The following RAP1GAP2 variants were observed in gnomAD, a reference collection of about 807,000 sequenced individuals.
RAP1GAP2 encodes rap1 GTPase-activating protein 2.
A neutral mutation model predicts 95.0 loss-of-function variants in RAP1GAP2; 27 were observed. The ratio of observed to expected loss-of-function variants is 0.28; its 90% CI spans 0.21 to 0.39. The LOEUF is 0.39. Ranked by LOEUF, RAP1GAP2 falls within the 10% of genes least tolerant of loss-of-function variation. The pLI is 1.00. For synonymous variants in RAP1GAP2, 373 were observed against 380.9 expected (o/e 0.98, Z 0.24); for missense variants, 771 against 970.0 (o/e 0.79, Z 2.72).
At chr17:2,845,827 C>A (rs2071562467) in intron 2 of RAP1GAP2, among the ~76,000 whole-genome samples, 1 of 151,268 alleles carries the variant, frequency 6.6e-6, no homozygotes, top group African/African-American at 2.4e-5. Context: ...CACCACTACA[C>A]TCTAACCTGG....
Position 3,027,026 on chromosome 17 carries a change from T to A in RAP1GAP2, c.2063T>A (p.Leu688Gln). 6.4e-7 allele frequency: 1 copy of A among 1,573,414 alleles called. No individual in the cohort carries two copies. The highest frequency in any genetic ancestry group is 8.6e-7 in the Non-Finnish European group (1 of 1,159,790). Residue 688 changes from leucine (L) to glutamine (Q), a missense_variant, in exon 22 of 25, where the codon CTG becomes CAG. Transcript: ENST00000254695. The surrounding 1 kb of genome is among the most constrained non-coding windows in gnomAD (Gnocchi z 5.2). ...TCCCCGAGCAGCGAGAGCCCCAGCC[T>A]GGGGGCAGCTGCCACCCCGATCATC... ...SPSPSSESPSLGAAATPIIMS... is the reference protein window; with the variant it reads ...SPSPSSESPSQGAAATPIIMS...
At chr17:2,780,863 C>T (rs2068629419) in intron 1 of RAP1GAP2, among the ~76,000 whole-genome samples, 1 of 152,284 alleles carries the variant, frequency 6.6e-6, no homozygotes, top group African/African-American at 2.4e-5. Context: ...GTCCACACCT[C>T]TCTCAGTGCT....
chr17:2,953,575 G>A (rs2043992950), intron 3 of RAP1GAP2, among the ~76,000 whole-genome samples: 1 of 152,248 alleles, frequency 6.6e-6, no homozygotes, highest in Non-Finnish European at 1.5e-5. Flanking sequence ...GGCCGGGTAC[G>A]ATGGCTCACG....
intron 3 of RAP1GAP2, among the ~76,000 whole-genome samples, chr17:2,921,909 GTC>G (rs977044904): frequency 2.0e-5 from 3 of 152,168 alleles, no homozygotes; most frequent in Admixed American, 1.3e-4. Context: ...CTCCCTGGGG[GTC>G]TCTCCTCTGT....
At chr17:3,011,716 C>T (rs1362206312) in intron 17 of RAP1GAP2, among the ~76,000 whole-genome samples, 2 of 147,220 alleles carry the variant, frequency 1.4e-5, no homozygotes, top group East Asian at 4.2e-4. Context: ...GCCTCCCGGG[C>T]TCAAGCGATT....
chr17:2,994,509 G>A (rs2045887691), intron 12 of RAP1GAP2, among the ~76,000 whole-genome samples: 1 of 152,282 alleles, frequency 6.6e-6, no homozygotes, highest in Middle Eastern at 3.4e-3. Flanking sequence ...TGCAGTGGTT[G>A]GGCCTGTATC....
rs1412849494 is a variant in RAP1GAP2, at chr17:2,857,715, A to G, written c.81-47569A>G. ...CTTTGATTTTCAGAGCCTGCTTCTTATGGATGTGGGTAGTGGGGAGCTTGG... is the reference window on the plus strand; with the variant it reads ...CTTTGATTTTCAGAGCCTGCTTCTTGTGGATGTGGGTAGTGGGGAGCTTGG... On this transcript the variant is annotated intron_variant, in intron 2 of 24. Transcript: ENST00000254695. This position sits in a 1 kb window ranked among gnomAD's most constrained non-coding sequence, Gnocchi z 4.0. 6.6e-6 allele frequency among the ~76,000 whole-genome samples: 1 copy of G among 152,166 alleles called. No individual in the cohort carries two copies. Among genetic ancestry groups the G allele is most frequent in the Middle Eastern group, 3.2e-3 (1 of 316 alleles).
intron 17 of RAP1GAP2, among the ~76,000 whole-genome samples, chr17:3,012,057 C>T (rs1248586406): frequency 6.6e-6 from 1 of 152,176 alleles, no homozygotes; most frequent in Non-Finnish European, 1.5e-5. Flanking sequence ...GATCTTTCTC[C>T]TGAGCAGCAG....
At position 2,871,657 on chromosome 17, in the gene RAP1GAP2, G is replaced by C. The variant is rs1244853642; in HGVS notation, c.81-33627G>C. 2.0e-5 allele frequency among the ~76,000 whole-genome samples: 3 copies of C among 152,188 alleles called. No homozygotes were observed. The highest frequency in any genetic ancestry group is 7.2e-5 in the African/African-American group (3 of 41,448). On this transcript the variant is annotated intron_variant, in intron 2 of 24. Coordinates refer to ENST00000254695, the MANE Select transcript of RAP1GAP2 (RefSeq NM_015085.5). This position sits in a 1 kb window ranked among gnomAD's most constrained non-coding sequence, Gnocchi z 5.0. ...GCACGTGGACCCTCACCTTCATGCT[G>C]ATTTCATTGGGGTTCAATTGGTACC...
At chr17:2,910,426 C>T (rs566148498) in intron 3 of RAP1GAP2, among the ~76,000 whole-genome samples, 29 of 152,266 alleles carry the variant, frequency 1.9e-4, no homozygotes, top group African/African-American at 6.3e-4. Flanking sequence ...AGGCCAGAGA[C>T]GCCCTGGATG....
intron 1 of RAP1GAP2, among the ~76,000 whole-genome samples, chr17:2,765,583 A>G (rs2068259895): frequency 6.6e-6 from 1 of 151,760 alleles, no homozygotes; most frequent in South Asian, 2.1e-4. Flanking sequence ...CTACTAAAAT[A>G]ATACAAAAAA....
At chr17:2,810,468 G>A (rs572578433) in intron 2 of RAP1GAP2, among the ~76,000 whole-genome samples, 124 of 145,736 alleles carry the variant, frequency 8.5e-4, no homozygotes, top group African/African-American at 3.0e-3. Context: ...CCATTAACTC[G>A]TCATTTAACA....
intron 3 of RAP1GAP2, among the ~76,000 whole-genome samples, chr17:2,931,280 T>TGTGTGTG (rs2043143190): frequency 8.9e-4 from 131 of 146,756 alleles, no homozygotes; most frequent in African/African-American, 3.0e-3. Context: ...TGAGTGTTTC[T>TGTGTGTG]TGTGTGTGTG....
At chr17:2,869,871 G>A (rs541383429) in intron 2 of RAP1GAP2, among the ~76,000 whole-genome samples, 5 of 152,330 alleles carry the variant, frequency 3.3e-5, no homozygotes, top group East Asian at 1.9e-4. Flanking sequence ...GAGCGGGGAC[G>A]TATAGGGGGT....
chr17:2,918,609 A>G (rs7210449), intron 3 of RAP1GAP2, among the ~76,000 whole-genome samples: 23,792 of 151,850 alleles, frequency 0.16, 2,457 homozygotes, highest in African/African-American at 0.3. Context: ...GCAAGAGAGC[A>G]AGGGAGGGTG....
chr17:2,795,605 G>A (rs751001234), upstream of RAP1GAP2, among the ~76,000 whole-genome samples: 3 of 152,328 alleles, frequency 2.0e-5, no homozygotes, highest in African/African-American at 4.8e-5. Flanking sequence ...GGTGGGGGGC[G>A]GCTGACAGGT....
chr17:2,900,776 A>T (rs1597559029), intron 2 of RAP1GAP2, among the ~76,000 whole-genome samples: 1 of 152,002 alleles, frequency 6.6e-6, no homozygotes, highest in Non-Finnish European at 1.5e-5. Context: ...GTACTTTATT[A>T]CCCCTATCTT....
upstream of RAP1GAP2, among the ~76,000 whole-genome samples, chr17:2,775,661 C>T (rs2068483252): frequency 1.3e-5 from 2 of 152,174 alleles, no homozygotes; most frequent in Non-Finnish European, 2.9e-5. Context: ...AAAGGAACGG[C>T]TTTCTAGCAC....
rs2151488363 is a variant in RAP1GAP2, at chr17:2,963,528, G to A, written c.279+66G>A. On this transcript the variant is annotated intron_variant, in intron 6 of 24. Coordinates refer to ENST00000254695, the MANE Select transcript of RAP1GAP2 (RefSeq NM_015085.5). The surrounding 1 kb of genome is among the most constrained non-coding windows in gnomAD (Gnocchi z 4.8). ...CTCTGGGTCCCGTCCCTGGGGAAAT[G>A]ATGGCGATGGCCTGTGCCCAGCCCC... 6.3e-7 allele frequency: 1 copy of A among 1,597,620 alleles called. No individual in the cohort carries two copies. The highest frequency in any genetic ancestry group is 8.6e-7 in the Non-Finnish European group (1 of 1,165,178).
Sources: gnomAD v4.1 joint callset for allele counts (sites outside exome capture counted in the v4.1 genomes callset) on GRCh38, gnomAD v4.1.1 for gene constraint, Gnocchi (gnomAD v3.1) non-coding constraint, MANE v1.5 for transcripts, NCBI Gene and HGNC (gene_info 2026-07-23, HGNC 2026-07-21) for gene names.